ZNF544: variants seen among roughly 807,000 people sequenced by gnomAD.
ZNF544 encodes zinc finger protein AF020591.
Under a neutral mutation model 13.5 loss-of-function variants are expected in ZNF544, and 10 were observed. The ratio of observed to expected loss-of-function variants is 0.74; its 90% CI spans 0.46 to 1.25. ZNF544 has a LOEUF of 1.25. Among genes scored for constraint, ZNF544 ranks in the 50% most tolerant of loss-of-function variants. The pLI, the probability that ZNF544 is intolerant of heterozygous loss-of-function variation, is 0.00. For synonymous variants in ZNF544, 323 were observed against 300.5 expected (o/e 1.07, Z -0.77); for missense variants, 896 against 845.6 (o/e 1.06, Z -0.74).
chr19:58,253,888 CT>C (rs1212501705), intron 6 of ZNF544, among the ~76,000 whole-genome samples: 1 of 152,210 alleles, frequency 6.6e-6, no homozygotes. Context: ...GTTGACAATT[CT>C]GAAGACATTT....
intron 1 of ZNF544, chr19:58,229,234 A>G (rs2040603609): frequency 7.3e-6 from 1 of 137,804 alleles, no homozygotes; most frequent in African/African-American, 2.7e-5. Context: ...CAGAGCTGGG[A>G]GGGAACTTAT....
intron 6 of ZNF544, chr19:58,258,976 A>G (rs1276709167): frequency 1.3e-5 from 2 of 152,234 alleles, no homozygotes; most frequent in Non-Finnish European, 2.9e-5. Context: ...CACCAGGACA[A>G]TAACAAGGAT....
chr19:58,268,205 A>C (rs932434501), downstream of ZNF544, among the ~76,000 whole-genome samples: 4 of 152,182 alleles, frequency 2.6e-5, no homozygotes, highest in East Asian at 7.7e-4. Context: ...AGTCTGAGGC[A>C]GGAGAATCGC....
chr19:58,265,355 G>A (rs1175128657), downstream of ZNF544, among the ~76,000 whole-genome samples: 1 of 151,584 alleles, frequency 6.6e-6, no homozygotes, highest in East Asian at 2.0e-4. Flanking sequence ...GAGTGCAGTG[G>A]TATGATCTCT....
intron 3 of ZNF544, among the ~76,000 whole-genome samples, chr19:58,232,645 C>G (rs1300334795): frequency 6.6e-6 from 1 of 151,512 alleles, no homozygotes; most frequent in African/African-American, 2.4e-5. Context: ...AAAGACATAT[C>G]CGGGCCGGGC....
downstream of ZNF544, among the ~76,000 whole-genome samples, chr19:58,264,279 C>T (rs905074522): frequency 2.5e-4 from 38 of 149,498 alleles, no homozygotes; most frequent in African/African-American, 7.6e-4. Context: ...CCCAGCTACT[C>T]GGGAGGCTGA....
Position 58,251,207 on chromosome 19 carries a change from A to G in ZNF544, c.244+4413A>G. The G allele has an allele frequency of 9.4e-6, 4 of 425,806 alleles. No individual in the cohort carries two copies. In the Admixed American group the frequency reaches 1.1e-4, roughly 11 times the overall value. 26.4% of individuals were successfully genotyped at this position (425,806 alleles called of 1,614,324 possible). On this transcript the variant is annotated intron_variant, in intron 6 of 6. Transcript: ENST00000687789. ...AAGAAAGCAATTAAATTGTAGAAGT[A>G]TAACAATGGCTACTATTATCCAGTT...
At chr19:58,252,359 C>CTA (rs2046423007) in intron 6 of ZNF544, among the ~76,000 whole-genome samples, 1 of 152,192 alleles carries the variant, frequency 6.6e-6, no homozygotes, top group South Asian at 2.1e-4. Context: ...TTGTCCTAAA[C>CTA]ATCCCTCTTT....
Position 58,262,040 on chromosome 19 carries a change from G to C in ZNF544, c.1434G>C (p.Glu478Asp). Residue 478 changes from glutamate (E) to aspartate (D), a missense_variant, in exon 7 of 7, where the codon GAG (glutamate) becomes GAC (aspartate). Coordinates refer to ENST00000687789, the MANE Select transcript of ZNF544 (RefSeq NM_014480.4). ...GAAAGTCCTTCAGCCAAAGCTATGA[G>C]TTAGTTACACATAAAAGAACGCACA... Reference protein sequence around the residue: ...HCGKSFSQSYELVTHKRTHTG... With the variant: ...HCGKSFSQSYDLVTHKRTHTG... 1.2e-6 allele frequency: 2 copies of C among 1,610,530 alleles called. No homozygotes were observed. The highest frequency in any genetic ancestry group is 2.2e-5 in the East Asian group (1 of 44,642).
intron 3 of ZNF544, among the ~76,000 whole-genome samples, chr19:58,233,621 T>G (rs2041809685): frequency 6.6e-6 from 1 of 152,194 alleles, no homozygotes; most frequent in Non-Finnish European, 1.5e-5. Flanking sequence ...CACAGAAAAT[T>G]TAAAGACCCA....
chr19:58,245,298 G>GT (rs764540480), intron 4 of ZNF544, among the ~76,000 whole-genome samples: 1,420 of 135,632 alleles, frequency 0.01, 9 homozygotes, highest in African/African-American at 0.023. Flanking sequence ...TGTTTGTGGG[G>GT]TTTTTTTTTT....
chr19:58,240,261 CT>C (rs1031124260), intron 3 of ZNF544, among the ~76,000 whole-genome samples: 368 of 145,570 alleles, frequency 2.5e-3, no homozygotes, highest in Admixed American at 4.5e-3. Flanking sequence ...CTTTTTCTTT[CT>C]TTTTTTTTTT....
downstream of ZNF544, among the ~76,000 whole-genome samples, chr19:58,265,118 A>G (rs62114177): frequency 0.53 from 80,741 of 151,368 alleles, 21,734 homozygotes; most frequent in Middle Eastern, 0.65. Flanking sequence ...CAGCATGTTA[A>G]TATGGAAAAT....
At chr19:58,257,315 C>T (rs1278178018) in intron 6 of ZNF544, 6 of 152,214 alleles carry the variant, frequency 3.9e-5, no homozygotes, top group Non-Finnish European at 8.8e-5. Context: ...AAATGCACTT[C>T]ACAGAGTGGG....
rs1400319108 is a variant in ZNF544 at position 58,261,302 on chromosome 19, A to G, written c.696A>G (p.Gly232=). The part of the protein sequence containing the change: ...FCQSIYLSKL[G]NVETGKKNPY... ...AGAGTATTTACTTGAGTAAACTTGG[A>G]AACGTTGAAACAGGAAAGAAAAACC... Residue 232 remains glycine, a synonymous_variant, in exon 7 of 7, where the codon GGA becomes GGG. Coordinates refer to ENST00000687789, the MANE Select transcript of ZNF544 (RefSeq NM_014480.4). The G allele has an allele frequency of 9.9e-6, 16 of 1,614,188 alleles. No homozygotes were observed. The highest frequency in any genetic ancestry group is 1.4e-5 in the Non-Finnish European group (16 of 1,180,044).
intron 6 of ZNF544, chr19:58,257,215 C>T (rs1292063728): frequency 1.3e-5 from 2 of 152,260 alleles, no homozygotes; most frequent in African/African-American, 4.8e-5. Context: ...GCCACCACGC[C>T]TGGCTGGTTC....
At chr19:58,241,180 T>C (rs1383627814) in intron 3 of ZNF544, among the ~76,000 whole-genome samples, 1 of 67,392 alleles carries the variant, frequency 1.5e-5, no homozygotes, top group Non-Finnish European at 2.6e-5. Flanking sequence ...TATATATATA[T>C]TTTTTTTTTT....
chr19:58,262,817 G>C lies in ZNF544; in HGVS notation c.*63G>C, dbSNP rs943856034. ...CTCCCCTCATCATGCACCAGAGGAC[G>C]CATGTCGGTGGGAAGAGCTATCAGT... On this transcript the variant is annotated 3_prime_UTR_variant, in exon 7 of 7. Transcript: ENST00000687789. 4.6e-6 allele frequency: 7 copies of C among 1,530,572 alleles called. No individual in the cohort carries two copies. Among genetic ancestry groups the C allele is most frequent in the Non-Finnish European group, 6.1e-6 (7 of 1,140,428 alleles). The allele number at this position is 1,530,572 out of a possible 1,614,324, so 94.8% of individuals were successfully genotyped here.
rs370252450 is a variant in ZNF544 at position 58,261,884 on chromosome 19, T to C, written c.1278T>C (p.His426=). 45 of 1,612,456 alleles carry C rather than the reference T, an allele frequency of 2.8e-5. 1 individual carries two copies. Among genetic ancestry groups the C allele is most frequent in the Admixed American group, 3.3e-5 (2 of 59,786 alleles). ...CCCAGAGATCCAAACTTATTACACA[T>C]CAGCGAATTCACACTGGAGAAAAAC... is the stretch of plus-strand genomic sequence containing the variant. ...SFTQRSKLIT[H]QRIHTGEKPY... Residue 426 remains histidine (H), a synonymous_variant, in exon 7 of 7, where the codon CAT becomes CAC. Transcript: ENST00000687789.
Sources: allele counts gnomAD v4.1 joint callset (sites outside exome capture counted in the v4.1 genomes callset), GRCh38; gene constraint gnomAD v4.1.1; transcripts MANE v1.5; gene names NCBI Gene and HGNC (gene_info 2026-07-23, HGNC 2026-07-21).